The following RBM24 variants were observed in gnomAD, a reference collection of about 807,000 sequenced individuals.
The protein encoded by RBM24 is RNA-binding protein 24.
Under a neutral mutation model 23.6 loss-of-function variants are expected in RBM24, and 5 were observed. That is an observed-to-expected ratio of 0.21 (90% CI 0.11 to 0.45). The LOEUF is 0.45. Ranked by LOEUF, RBM24 falls within the 20% of genes least tolerant of loss-of-function variation. The pLI is 0.99. For synonymous variants in RBM24, 151 were observed against 129.5 expected (o/e 1.17, Z -1.13); for missense variants, 252 against 314.6 (o/e 0.80, Z 1.51).
intron 3 of RBM24, chr6:17,288,648 G>T: frequency 1.0e-6 from 1 of 985,062 alleles, no homozygotes; most frequent in Non-Finnish European, 1.2e-6. Flanking sequence ...TTGGATTTCA[G>T]CAGGTAGAGA....
intron 3 of RBM24, chr6:17,289,806 C>G: frequency 9.3e-7 from 1 of 1,072,658 alleles, no homozygotes; most frequent in Non-Finnish European, 1.1e-6. Flanking sequence ...CCCTGCTGTC[C>G]ATCACCACAT....
chr6:17,282,969 C>A, intron 2 of RBM24, 41 bp downstream of exon 2: 2 of 1,449,728 alleles, frequency 1.4e-6, no homozygotes, highest in African/African-American at 1.4e-5. Flanking sequence ...CTCCAAGAAC[C>A]CCCCATTTAT....
intron 3 of RBM24, chr6:17,288,521 A>T (rs996698223): frequency 1.0e-6 from 1 of 985,288 alleles, no homozygotes. Flanking sequence ...CATATGCAAA[A>T]TAGGAGGCTA....
intron 3 of RBM24, among the ~76,000 whole-genome samples, chr6:17,291,222 G>A (rs1760347153): frequency 6.6e-6 from 1 of 152,200 alleles, no homozygotes; most frequent in African/African-American, 2.4e-5. Context: ...GCAATTTCAA[G>A]TAGGGTTGCC....
chr6:17,288,843 G>A (rs1760271796), intron 3 of RBM24: 14 of 985,472 alleles, frequency 1.4e-5, no homozygotes, highest in Non-Finnish European at 1.7e-5. Context: ...GGCCTAGAAT[G>A]CCAAGGCTTA....
chr6:17,287,674 G>A (rs1003148952), intron 3 of RBM24, among the ~76,000 whole-genome samples: 10 of 152,170 alleles, frequency 6.6e-5, no homozygotes, highest in East Asian at 3.9e-4. Context: ...GCTGGGCGTG[G>A]TGGTGGGCGC....
At chr6:17,284,107 C>T (rs2113397357) in intron 2 of RBM24, among the ~76,000 whole-genome samples, 1 of 152,156 alleles carries the variant, frequency 6.6e-6, no homozygotes, top group South Asian at 2.1e-4. Flanking sequence ...TAAAAGGAAA[C>T]TAGGTTGTCA....
At chr6:17,288,315 A>G in intron 3 of RBM24, 1 of 985,442 alleles carries the variant, frequency 1.0e-6, no homozygotes. Flanking sequence ...GATAAGAGAG[A>G]CGAACATCAG....
chr6:17,281,627 G>T lies in RBM24; in HGVS notation c.46G>T (p.Gly16Trp). The change falls in exon 1 of 4, where the codon GGG (glycine) becomes TGG (tryptophan). Residue 16 changes from glycine to tryptophan, a missense_variant. Gly to Trp is a radical substitution (Grantham distance 184). Coordinates refer to ENST00000379052, the MANE Select transcript of RBM24 (RefSeq NM_001143942.2). This position sits in a 1 kb window ranked among gnomAD's most constrained non-coding sequence, Gnocchi z 7.1. ...CACGACGTACACCAAGATCTTCGTC[G>T]GGGGGCTGCCCTACCACACCACCGA... Reference protein sequence around the residue: ...KDTTYTKIFVGGLPYHTTDAS... With the variant: ...KDTTYTKIFVWGLPYHTTDAS... The T allele has an allele frequency of 6.5e-7, 1 of 1,549,102 alleles. No individual in the cohort carries two copies. The highest frequency in any genetic ancestry group is 8.7e-7 in the Non-Finnish European group (1 of 1,146,268).
At chr6:17,287,311 G>A (rs1233244264) in intron 3 of RBM24, among the ~76,000 whole-genome samples, 1 of 152,180 alleles carries the variant, frequency 6.6e-6, no homozygotes, top group Non-Finnish European at 1.5e-5. Context: ...TTTGAATGTG[G>A]TCCTTAAATG....
At position 17,281,469 on chromosome 6, in the gene RBM24, T is replaced by G; in HGVS notation, c.-113T>G. ...CCGCCCTCGCCCCCGGGCTCGCCCT[T>G]GGCCCCCGGCGGCCGCGAAAGGGTG... On this transcript the variant is annotated 5_prime_UTR_variant, in exon 1 of 4. Transcript: ENST00000379052. This position sits in a 1 kb window ranked among gnomAD's most constrained non-coding sequence, Gnocchi z 7.1. The G allele has an allele frequency of 2.1e-6, 2 of 968,562 alleles. No individual in the cohort carries two copies. The highest frequency in any genetic ancestry group is 2.6e-6 in the Non-Finnish European group (2 of 767,248). 60.0% of individuals were successfully genotyped at this position (968,562 alleles called of 1,614,324 possible). A position where few individuals can be genotyped will look rare whatever the true frequency, so the allele number is the denominator to read the frequency against.
At position 17,281,789 on chromosome 6, in the gene RBM24, T is replaced by C; in HGVS notation, c.168+40T>C. The C allele has an allele frequency of 6.5e-7, 1 of 1,539,698 alleles. No homozygotes were observed. Among genetic ancestry groups the C allele is most frequent in the Non-Finnish European group, 8.8e-7 (1 of 1,141,268 alleles). On this transcript the variant is annotated intron_variant, in intron 1 of 3. Transcript: ENST00000379052. This position sits in a 1 kb window ranked among gnomAD's most constrained non-coding sequence, Gnocchi z 7.1. The stretch of plus-strand genomic sequence containing the variant: ...CTGGGGGTGACGGGGAGGGACGGAG[T>C]GGCGGCTGACCCCGGGGATCGGGAG...
intron 3 of RBM24, among the ~76,000 whole-genome samples, chr6:17,291,132 G>A (rs755228912): frequency 2.6e-5 from 4 of 152,028 alleles, no homozygotes; most frequent in African/African-American, 7.2e-5. Context: ...TTATTTTGTC[G>A]CCTGCTTCCT....
intron 1 of RBM24, 94 bp from the exon 2 acceptor site, chr6:17,282,711 T>C: frequency 6.4e-7 from 1 of 1,563,454 alleles, no homozygotes; most frequent in Non-Finnish European, 8.7e-7. Context: ...GATCTCAGTT[T>C]TATCATGAAT....
rs138283911 is a variant in RBM24 at position 17,291,833 on chromosome 6, C to G, written c.425C>G (p.Ala142Gly). The change falls in exon 4 of 4, where the codon GCT becomes GGT. Residue 142 changes from alanine (A) to glycine (G), a missense_variant. Transcript: ENST00000379052. ...VVIPHVQPTA[A>G]AASTTPYIDY... is the part of the protein sequence containing the mutation. ...ATTCCACACGTCCAGCCGACAGCAG[C>G]TGCCGCCTCCACCACCCCTTACATT... is the stretch of plus-strand genomic sequence containing the variant. The G allele has an allele frequency of 1.2e-6, 2 of 1,614,172 alleles. No individual in the cohort carries two copies. Among genetic ancestry groups the G allele is most frequent in the South Asian group, 1.1e-5 (1 of 91,086 alleles).
At chr6:17,282,198 C>T (rs1395813246) in intron 1 of RBM24, 3 of 1,287,000 alleles carry the variant, frequency 2.3e-6, no homozygotes, top group Non-Finnish European at 3.0e-6. Flanking sequence ...TTGTGTCATC[C>T]CCCCGCCTTT....
chr6:17,289,610 C>CA, intron 3 of RBM24: 1 of 985,354 alleles, frequency 1.0e-6, no homozygotes, highest in Non-Finnish European at 1.2e-6. Flanking sequence ...TCAGAGATAC[C>CA]AACCTAGCAC....
Position 17,282,888 on chromosome 6 carries a change from C to T in RBM24, c.252C>T (p.Asn84=). The T allele has an allele frequency of 6.2e-7, 1 of 1,614,048 alleles. No individual in the cohort carries two copies. The highest frequency in any genetic ancestry group is 8.5e-7 in the Non-Finnish European group (1 of 1,180,002). ...TTGATGGCAGAAAGGCCAACGTGAACCTGGCATACTTAGGAGCAAAACCAA... is the reference window on the plus strand; with the variant it reads ...TTGATGGCAGAAAGGCCAACGTGAATCTGGCATACTTAGGAGCAAAACCAA... ...PIIDGRKANV[N]LAYLGAKPRI... Residue 84 remains asparagine, a synonymous_variant, in exon 2 of 4, where the codon AAC becomes AAT. Coordinates refer to ENST00000379052, the MANE Select transcript of RBM24 (RefSeq NM_001143942.2).
chr6:17,291,726 C>T lies in RBM24; in HGVS notation c.348-30C>T, dbSNP rs369187720. 6 of 1,578,106 alleles carry T rather than the reference C, an allele frequency of 3.8e-6. No individual in the cohort carries two copies. In the African/African-American group the frequency reaches 4.1e-5, roughly 11 times the overall value. ...CATGCTACAGTTAGGAGGTGACTAC[C>T]GCCTGACTTTGTTTTCCATTTCTCA... On this transcript the variant is annotated intron_variant, in intron 3 of 3. Coordinates refer to ENST00000379052, the MANE Select transcript of RBM24 (RefSeq NM_001143942.2).
Sources: gnomAD v4.1 joint callset for allele counts (sites outside exome capture counted in the v4.1 genomes callset) on GRCh38, gnomAD v4.1.1 for gene constraint, Gnocchi (gnomAD v3.1) non-coding constraint, MANE v1.5 for transcripts, NCBI Gene and HGNC (gene_info 2026-07-23, HGNC 2026-07-21) for gene names.